The following NAALADL1 variants were observed in gnomAD, a reference collection of about 807,000 sequenced individuals.
NAALADL1 encodes the protein aminopeptidase NAALADL1.
NAALADL1 carries 77 observed loss-of-function variants against 82.8 expected under a neutral mutation model. The observed-to-expected ratio is 0.93, with a 90% confidence interval of 0.77 to 1.12. The LOEUF is 1.12. NAALADL1 is among the 50% of genes most tolerant of loss of function. NAALADL1 has a pLI of 0.00. For missense variants in NAALADL1, 956 were observed against 964.0 expected, an observed-to-expected ratio of 0.99 and a Z score of 0.11; for synonymous variants, 358 against 399.2, an observed-to-expected ratio of 0.90 and a Z score of 1.23.
intron 8 of NAALADL1, among the ~76,000 whole-genome samples, chr11:65,049,660 CCAAGAGTTCGAGA>C: frequency 6.6e-6 from 1 of 152,150 alleles, no homozygotes; most frequent in Non-Finnish European, 1.5e-5. Context: ...TCACTTAAGC[CCAAGAGTTCGAGA>C]CCAGCCTCAG....
chr11:65,058,479 C>T lies in NAALADL1; in HGVS notation c.43G>A (p.Ala15Thr), dbSNP rs1307761149. The T allele has an allele frequency of 6.2e-7, 1 of 1,611,072 alleles. No homozygotes were observed. Among genetic ancestry groups the T allele is most frequent in the South Asian group, 1.1e-5 (1 of 90,662 alleles). ...AGGATGATCCCCAGCCCCAAGAGGGCAGCAGCCCCCAGCCCCAGCCCCAAC... is the reference window on the plus strand; with the variant it reads ...AGGATGATCCCCAGCCCCAAGAGGGTAGCAGCCCCCAGCCCCAGCCCCAAC... ...KVLGLGLGAA[A>T]LLGLGIILGH... Residue 15 changes from alanine (A) to threonine (T), a missense_variant, in exon 1 of 18, where the codon GCC becomes ACC. Coordinates refer to ENST00000358658, the MANE Select transcript of NAALADL1 (RefSeq NM_005468.3).
rs867526222 is a variant in NAALADL1 at position 65,053,744 on chromosome 11, C to T, written c.993-168G>A. ...CTGGAGCCAGGCTCTCCTGCCTACT[C>T]GCTGGGTAGGTACTTATTGGGTACT... On this transcript the variant is annotated intron_variant, in intron 6 of 17. Transcript: ENST00000358658. This position sits in a 1 kb window ranked among gnomAD's most constrained non-coding sequence, Gnocchi z 4.3. 2.6e-5 allele frequency among the ~76,000 whole-genome samples: 4 copies of T among 152,216 alleles called. No homozygotes were observed. Among genetic ancestry groups the T allele is most frequent in the Non-Finnish European group, 4.4e-5 (3 of 68,038 alleles).
chr11:65,048,715 T>A (rs887171560), intron 8 of NAALADL1, among the ~76,000 whole-genome samples: 1 of 152,132 alleles, frequency 6.6e-6, no homozygotes, highest in Non-Finnish European at 1.5e-5. Flanking sequence ...CACTTGGTGA[T>A]AACACAGGAA....
Position 65,046,174 on chromosome 11 carries a change from C to T in NAALADL1, c.1855+15G>A, listed in dbSNP as rs1219487126. ...TGCAGGGCTCCCCATACCTCAGGGT[C>T]AGGGCTGTGCATACCCAGGCTGATG... On this transcript the variant is annotated intron_variant, in intron 15 of 17. Transcript: ENST00000358658. 1.2e-6 allele frequency: 2 copies of T among 1,614,110 alleles called. No homozygotes were observed. The highest frequency in any genetic ancestry group is 8.5e-7 in the Non-Finnish European group (1 of 1,180,022).
Position 65,048,037 on chromosome 11 carries a change from G to T in NAALADL1, c.1360C>A (p.Leu454Ile), listed in dbSNP as rs767136054. 2 of 1,613,864 alleles carry T rather than the reference G, an allele frequency of 1.2e-6. No homozygotes were observed. The highest frequency in any genetic ancestry group is 2.2e-5 in the South Asian group (2 of 91,080). The change falls in exon 11 of 18, where the codon CTT (leucine) becomes ATT (isoleucine). Residue 454 changes from leucine to isoleucine, a missense_variant. By Grantham distance (5) the Leu-to-Ile change is conservative. Transcript: ENST00000358658. ...VDISVFANAT[L>I]RVQGTPPVQS... is the part of the protein sequence containing the mutation. ...ACAGGGGGCGTCCCCTGCACCCTAA[G>T]GGTAGCGTTGGCTGTGGGAGGAGGG...
At chr11:65,060,148 GCAC>G (rs1947158907), upstream of NAALADL1, among the ~76,000 whole-genome samples, 4 of 151,210 alleles carry the variant, frequency 2.6e-5, no homozygotes, top group African/African-American at 9.7e-5. Context: ...GTGTGTGTGT[GCAC>G]GTGCATGTGT....
rs1374094562 is a variant in NAALADL1 at position 65,048,398 on chromosome 11, G to A, written c.1199-13C>T. On this transcript the variant is annotated splice_polypyrimidine_tract_variant and intron_variant, in intron 8 of 17. Transcript: ENST00000358658. ...GGACGCCAGGTGCCTGGGAATGGGGGATAGAGGGTTGGAGGACAGGGTCCT... is the reference window on the plus strand; with the variant it reads ...GGACGCCAGGTGCCTGGGAATGGGGAATAGAGGGTTGGAGGACAGGGTCCT... The A allele has an allele frequency of 2.5e-6, 4 of 1,613,950 alleles. No homozygotes were observed. In the East Asian group the frequency reaches 6.7e-5, roughly 27 times the overall value.
At position 65,047,679 on chromosome 11, in the gene NAALADL1, G is replaced by C. The variant is rs766161908; in HGVS notation, c.1476C>G (p.Asn492Lys). ...CCAGGCCGTACACCGGGCTGCTGCG[G>C]TTGAAGTACCGGATCCAGTTGTCGT... is the stretch of plus-strand genomic sequence containing the variant. ...SIYDNWIRYF[N>K]RSSPVYGLVP... The change falls in exon 12 of 18, where the codon AAC becomes AAG. Residue 492 changes from asparagine (N) to lysine (K), a missense_variant. Physicochemically the swap from Asn to Lys is moderately conservative, Grantham distance 94. Coordinates refer to ENST00000358658, the MANE Select transcript of NAALADL1 (RefSeq NM_005468.3). 5 of 1,608,026 alleles carry C rather than the reference G, an allele frequency of 3.1e-6. No individual in the cohort carries two copies. The South Asian group carries it at 4.5e-5, about 14-fold the overall frequency.
intron 4 of NAALADL1, among the ~76,000 whole-genome samples, chr11:65,056,365 T>G (rs1947039702): frequency 6.6e-6 from 1 of 152,004 alleles, no homozygotes; most frequent in Admixed American, 6.6e-5. Flanking sequence ...TTCCCCTCTC[T>G]CATTCTACTC....
At chr11:65,052,540 C>A (rs180933105) in intron 8 of NAALADL1, among the ~76,000 whole-genome samples, 11 of 152,270 alleles carry the variant, frequency 7.2e-5, no homozygotes, top group Middle Eastern at 3.4e-3. Flanking sequence ...TCTCGAACTC[C>A]TGACCTCGTG....
chr11:65,047,841 C>G lies in NAALADL1; in HGVS notation c.1417-103G>C, dbSNP rs539797126. 181 of 1,466,750 alleles carry G rather than the reference C, an allele frequency of 1.2e-4. 1 individual carries two copies. In the East Asian group the frequency reaches 2.7e-3, roughly 22 times the overall value. The allele number at this position is 1,466,750 out of a possible 1,614,324, so 90.9% of individuals were successfully genotyped here. On this transcript the variant is annotated intron_variant, in intron 11 of 17. Coordinates refer to ENST00000358658, the MANE Select transcript of NAALADL1 (RefSeq NM_005468.3). ...CTGCCCACCCGTGGTCCAGTCCTTACGAGGCTTGCCCCAGCCTCAGTCCAG... is the reference window on the plus strand; with the variant it reads ...CTGCCCACCCGTGGTCCAGTCCTTAGGAGGCTTGCCCCAGCCTCAGTCCAG...
intron 13 of NAALADL1, 134 bp from the exon 14 acceptor site, chr11:65,046,660 C>T: frequency 1.2e-6 from 1 of 852,120 alleles, no homozygotes; most frequent in Non-Finnish European, 1.9e-6. Context: ...TCTAGAATTC[C>T]CACAGAAAAG....
intron 8 of NAALADL1, 27 bp from the exon 9 acceptor site, chr11:65,048,412 G>A (rs371996594): frequency 6.2e-7 from 1 of 1,613,592 alleles, no homozygotes. Context: ...GAGGGTTGGA[G>A]GACAGGGTCC....
At position 65,054,673 on chromosome 11, in the gene NAALADL1, G is replaced by A. The variant is rs775650898; in HGVS notation, c.669C>T (p.Asn223=). Residue 223 remains asparagine, a synonymous_variant, in exon 5 of 18, where the codon AAC becomes AAT. Coordinates refer to ENST00000358658, the MANE Select transcript of NAALADL1 (RefSeq NM_005468.3). The surrounding 1 kb of genome is among the most constrained non-coding windows in gnomAD (Gnocchi z 4.3). The stretch of plus-strand genomic sequence containing the variant: ...TTTCGTCGGGTGAGCTCAGCCCATC[G>A]TTGATGTCGGCAGGGTCTGTGTACA... ...VLVYTDPADI[N]DGLSSPDETF... is the part of the protein sequence containing the mutation. 9.3e-6 allele frequency: 15 copies of A among 1,614,160 alleles called. No homozygotes were observed. The highest frequency in any genetic ancestry group is 6.7e-5 in the Admixed American group (4 of 60,018).
Position 65,058,472 on chromosome 11 carries a change from A to C in NAALADL1, c.50T>G (p.Leu17Trp). ...GTGGCCGAGGATGATCCCCAGCCCC[A>C]AGAGGGCAGCAGCCCCCAGCCCCAG... ...LGLGLGAAAL[L>W]GLGIILGHFA... is the part of the protein sequence containing the mutation. The change falls in exon 1 of 18, where the codon TTG becomes TGG. Residue 17 changes from leucine to tryptophan, a missense_variant. Physicochemically the swap from Leu to Trp is moderately conservative, Grantham distance 61. Coordinates refer to ENST00000358658, the MANE Select transcript of NAALADL1 (RefSeq NM_005468.3). 3 of 1,612,806 alleles carry C rather than the reference A, an allele frequency of 1.9e-6. No individual in the cohort carries two copies. Among genetic ancestry groups the C allele is most frequent in the Non-Finnish European group, 2.5e-6 (3 of 1,179,546 alleles).
In NAALADL1 at chr11:65,046,611, T is replaced by G. The variant is rs1052407725; in HGVS notation, c.1600-85A>C. On this transcript the variant is annotated intron_variant, in intron 13 of 17. Coordinates refer to ENST00000358658, the MANE Select transcript of NAALADL1 (RefSeq NM_005468.3). ...TCCAGTGAGCTGCAAAATGTGGGCA[T>G]TATCTCCACTGAATCTTGGCCATGT... The G allele has an allele frequency of 1.2e-5, 16 of 1,313,856 alleles. No homozygotes were observed. In the African/African-American group the frequency reaches 1.7e-4, roughly 14 times the overall value. The allele number at this position is 1,313,856 out of a possible 1,614,324, so 81.4% of individuals were successfully genotyped here.
chr11:65,046,363 C>T lies in NAALADL1; in HGVS notation c.1682-1G>A. The T allele has an allele frequency of 1.9e-6, 3 of 1,614,242 alleles. No homozygotes were observed. Among genetic ancestry groups the T allele is most frequent in the Non-Finnish European group, 2.5e-6 (3 of 1,180,042 alleles). ...GCCACAGCCTGATGGCTGCTGAAGC[C>T]TGCGGCAAGGTGACAAGGCCAGGGC... On this transcript the variant is annotated splice_acceptor_variant, in intron 14 of 17. Transcript: ENST00000358658. LOFTEE classifies it high-confidence loss of function.
chr11:65,057,750 G>T, intron 3 of NAALADL1, 125 bp downstream of exon 3: 1 of 1,426,958 alleles, frequency 7.0e-7, no homozygotes, highest in Non-Finnish European at 9.7e-7. Context: ...GGAGTGTCCC[G>T]GTGAGTAAAT....
Position 65,054,709 on chromosome 11 carries a change from A to C in NAALADL1, c.633T>G (p.Ala211=). 6.2e-7 allele frequency: 1 copy of C among 1,614,066 alleles called. No homozygotes were observed. Among genetic ancestry groups the C allele is most frequent in the Admixed American group, 1.7e-5 (1 of 60,022 alleles). ...CAGGGTCTGTGTACACCAGCACCCC[A>C]GCTACCCCGTGCTTGGCAGCGTTCA... The part of the protein sequence containing the change: ...KAVNAAKHGV[A]GVLVYTDPAD... The change falls in exon 5 of 18, where the codon GCT becomes GCG. Residue 211 remains alanine (A), a synonymous_variant. Coordinates refer to ENST00000358658, the MANE Select transcript of NAALADL1 (RefSeq NM_005468.3). This position sits in a 1 kb window ranked among gnomAD's most constrained non-coding sequence, Gnocchi z 4.3.
Sources: gnomAD v4.1 joint callset for allele counts (sites outside exome capture counted in the v4.1 genomes callset) on GRCh38, gnomAD v4.1.1 for gene constraint, Gnocchi (gnomAD v3.1) non-coding constraint, MANE v1.5 for transcripts, NCBI Gene and HGNC (gene_info 2026-07-23, HGNC 2026-07-21) for gene names.